SEL1L3: variants seen among roughly 807,000 people sequenced by gnomAD.
SEL1L3 encodes protein sel-1 homolog 3.
In SEL1L3, 76 loss-of-function variants were observed where a neutral mutation model predicts 142.8. That is an observed-to-expected ratio of 0.53 (90% CI 0.44 to 0.64). The LOEUF (loss-of-function observed/expected upper bound fraction) is 0.64, where lower values mean the gene tolerates loss of function less well. Among genes scored for constraint, SEL1L3 ranks in the 30% least tolerant of loss-of-function variants. SEL1L3 has a pLI of 0.00. For missense variants in SEL1L3, 1,262 were observed against 1,381.7 expected (o/e 0.91, Z 1.37); for synonymous variants, 504 against 519.6 (o/e 0.97, Z 0.41).
rs1293488362 is a variant in SEL1L3 at position 25,787,806 on chromosome 4, G to A, written c.2217+418C>T. Among the ~76,000 whole-genome samples the A allele has an allele frequency of 5.9e-5, 9 of 152,258 alleles. No individual in the cohort carries two copies. The East Asian group carries it at 1.7e-3, about 29-fold the overall frequency. On this transcript the variant is annotated intron_variant, in intron 13 of 23. Transcript: ENST00000399878. ...GGCTCTTCCCACCCCTCTCCTGTTG[G>A]CTTAAAACCAAGATCTTTATTTTCA...
intron 23 of SEL1L3, chr4:25,756,801 T>G: frequency 8.1e-7 from 1 of 1,230,974 alleles, no homozygotes; most frequent in Non-Finnish European, 1.0e-6. Context: ...TCATTACGAG[T>G]GTTTGTTTAT....
chr4:25,770,125 C>G (rs561485596), intron 17 of SEL1L3: 1 of 152,044 alleles, frequency 6.6e-6, no homozygotes, highest in South Asian at 2.1e-4. Context: ...CAGATTCTGT[C>G]TCTAAAAAAA....
chr4:25,819,284 T>C (rs1372217904), intron 8 of SEL1L3, among the ~76,000 whole-genome samples: 1 of 152,270 alleles, frequency 6.6e-6, no homozygotes, highest in African/African-American at 2.4e-5. Flanking sequence ...TTGAAATTCA[T>C]TCCTTCTGTT....
chr4:25,720,909 C>A, the SEL1L3 span: 1 of 152,170 alleles, frequency 6.6e-6, no homozygotes, highest in Admixed American at 6.5e-5. Flanking sequence ...GAGAGGACTT[C>A]TAAGGAGTAG....
At chr4:25,758,848 A>T in intron 21 of SEL1L3, 93 bp downstream of exon 21, 1 of 1,286,986 alleles carries the variant, frequency 7.8e-7, no homozygotes, top group Non-Finnish European at 1.1e-6. Flanking sequence ...AATTTACATT[A>T]CAATATAAGG....
At chr4:25,829,784 T>C (rs888427850) in intron 6 of SEL1L3, among the ~76,000 whole-genome samples, 2 of 152,258 alleles carry the variant, frequency 1.3e-5, no homozygotes, top group African/African-American at 4.8e-5. Context: ...GATTTATTTT[T>C]CAGAATCCTT....
intron 11 of SEL1L3, among the ~76,000 whole-genome samples, chr4:25,796,058 G>T (rs1205455299): frequency 2.0e-5 from 3 of 152,088 alleles, no homozygotes; most frequent in Non-Finnish European, 2.9e-5. Flanking sequence ...TGTTATTGTT[G>T]CCGTTTTATA....
At chr4:25,759,106 G>C in intron 20 of SEL1L3, 38 bp from the exon 21 acceptor site, 1 of 1,602,174 alleles carries the variant, frequency 6.2e-7, no homozygotes, top group African/African-American at 1.3e-5. Flanking sequence ...TCAAATCCTT[G>C]AAATAAAACC....
At chr4:25,776,563 T>A in intron 16 of SEL1L3, 1 of 536,964 alleles carries the variant, frequency 1.9e-6, no homozygotes, top group Non-Finnish European at 3.3e-6. Context: ...TATGAATGAT[T>A]AGGAGTTGTC....
At chr4:25,859,375 C>T (rs146757226) in intron 1 of SEL1L3, among the ~76,000 whole-genome samples, 3 of 152,340 alleles carry the variant, frequency 2.0e-5, no homozygotes, top group Admixed American at 1.3e-4. Context: ...GGCATCGTTC[C>T]GTGACTTATC....
the SEL1L3 span, among the ~76,000 whole-genome samples, chr4:25,734,816 G>A: frequency 0.034 from 5,094 of 151,998 alleles, 134 homozygotes; most frequent in Non-Finnish European, 0.049. Flanking sequence ...TGATCCGCCC[G>A]CCTCAGCCTC....
intron 1 of SEL1L3, among the ~76,000 whole-genome samples, chr4:25,859,741 A>G (rs1352244841): frequency 1.3e-5 from 2 of 152,202 alleles, no homozygotes; most frequent in Non-Finnish European, 1.5e-5. Flanking sequence ...AAACTCTACC[A>G]GCTGCCTCTG....
the SEL1L3 span, among the ~76,000 whole-genome samples, chr4:25,734,628 G>T: frequency 6.6e-6 from 1 of 152,112 alleles, no homozygotes; most frequent in East Asian, 1.9e-4. Context: ...GAGTGTAGTG[G>T]CCTGATCTCG....
the SEL1L3 span, among the ~76,000 whole-genome samples, chr4:25,742,332 T>C: frequency 2.0e-5 from 3 of 152,006 alleles, no homozygotes; most frequent in African/African-American, 7.2e-5. Flanking sequence ...ACCACAGACA[T>C]GCACCACCAC....
chr4:25,802,218 C>T, intron 11 of SEL1L3, 65 bp downstream of exon 11: 1 of 1,453,566 alleles, frequency 6.9e-7, no homozygotes, highest in Non-Finnish European at 9.4e-7. Flanking sequence ...ACCACAGGGG[C>T]AGACACTTCA....
rs112749321 is a variant in SEL1L3 at position 25,747,577 on chromosome 4, AACACACACACAC to A, written c.*836_*847del. The A allele has an allele frequency of 6.9e-6, 1 of 145,614 alleles. No homozygotes were observed. The highest frequency in any genetic ancestry group is 2.0e-4 in the East Asian group (1 of 4,972). 9.0% of individuals were successfully genotyped at this position (145,614 alleles called of 1,614,324 possible). On this transcript the variant is annotated 3_prime_UTR_variant, in exon 24 of 24. Coordinates refer to ENST00000399878, the MANE Select transcript of SEL1L3 (RefSeq NM_015187.5). ...CATTCTGCTCTTCCTCTTCCTCTCT[AACACACACACAC>A]ACACACACACACACATATCCCTGTA...
At chr4:25,826,954 G>C (rs1715135795) in intron 6 of SEL1L3, among the ~76,000 whole-genome samples, 1 of 152,194 alleles carries the variant, frequency 6.6e-6, no homozygotes, top group Non-Finnish European at 1.5e-5. Context: ...GTGAGCCACT[G>C]TGCCAGGCCA....
At chr4:25,803,363 C>T (rs1713323208) in intron 10 of SEL1L3, among the ~76,000 whole-genome samples, 1 of 152,200 alleles carries the variant, frequency 6.6e-6, no homozygotes, top group Non-Finnish European at 1.5e-5. Context: ...AAGCCAGAGG[C>T]ATCATAAGCA....
chr4:25,821,934 A>C, intron 7 of SEL1L3, 62 bp downstream of exon 7: 2 of 1,543,570 alleles, frequency 1.3e-6, no homozygotes, highest in Admixed American at 4.0e-5. Flanking sequence ...TGGGTGGCAC[A>C]CCCCTGAGGC....
Sources: allele counts gnomAD v4.1 joint callset (sites outside exome capture counted in the v4.1 genomes callset), GRCh38; gene constraint gnomAD v4.1.1; transcripts MANE v1.5; gene names NCBI Gene and HGNC (gene_info 2026-07-23, HGNC 2026-07-21).